TSHZ3: variants seen among roughly 807,000 people sequenced by gnomAD.
TSHZ3 encodes teashirt homolog 3.
A neutral mutation model predicts 64.5 loss-of-function variants in TSHZ3; 10 were observed. That is an observed-to-expected ratio of 0.16 (90% confidence interval 0.10 to 0.26). The LOEUF (loss-of-function observed/expected upper bound fraction) is 0.26. Ranked by LOEUF, TSHZ3 falls within the 10% of genes least tolerant of loss-of-function variation. The pLI is 1.00. For missense variants in TSHZ3, 1,242 were observed against 1,421.7 expected (o/e 0.87, Z 2.03); for synonymous variants, 608 against 593.1 (o/e 1.03, Z -0.36).
At chr19:31,280,426 C>G (rs1333743084) in intron 1 of TSHZ3, among the ~76,000 whole-genome samples, 1 of 151,352 alleles carries the variant, frequency 6.6e-6, no homozygotes, top group Admixed American at 6.6e-5. Context: ...TGGGTTCGTT[C>G]CAGTTGAGAG....
upstream of TSHZ3, chr19:31,349,502 AGGT>A (rs1283877321): frequency 7.9e-5 from 25 of 315,746 alleles, 4 homozygotes; most frequent in Admixed American, 4.7e-4. Flanking sequence ...GAGGAGGAGG[AGGT>A]GGAGGAGGAG....
chr19:31,314,599 C>T (rs1249032479), intron 1 of TSHZ3, among the ~76,000 whole-genome samples: 3 of 152,284 alleles, frequency 2.0e-5, no homozygotes, highest in Admixed American at 6.5e-5. Context: ...TGAATTGTTC[C>T]GAGTGCCAGA....
At chr19:31,242,262 G>T (rs1029935872) in intron 3 of TSHZ3, among the ~76,000 whole-genome samples, 1 of 152,142 alleles carries the variant, frequency 6.6e-6, no homozygotes, top group Non-Finnish European at 1.5e-5. Flanking sequence ...TAAGGGAATT[G>T]GCTCACATGA....
intron 5 of TSHZ3, among the ~76,000 whole-genome samples, chr19:31,174,046 A>G (rs929593628): frequency 1.3e-5 from 2 of 152,152 alleles, no homozygotes; most frequent in African/African-American, 4.8e-5. Flanking sequence ...CCAGCCTGGG[A>G]GACAGAGCGA....
chr19:31,333,117 TAAATAA>T (rs1917141637), intron 1 of TSHZ3, among the ~76,000 whole-genome samples: 1 of 144,152 alleles, frequency 6.9e-6, no homozygotes, highest in South Asian at 2.2e-4. Context: ...AATAAATAAA[TAAATAA>T]ATAAATAAAT....
At chr19:31,159,928 G>A (rs1974352758) in intron 5 of TSHZ3, among the ~76,000 whole-genome samples, 1 of 152,090 alleles carries the variant, frequency 6.6e-6, no homozygotes, top group Admixed American at 6.6e-5. Flanking sequence ...CTGACCTCAA[G>A]CAATCCTTCT....
At chr19:31,240,197 T>C (rs1423256922) in intron 3 of TSHZ3, among the ~76,000 whole-genome samples, 1 of 152,142 alleles carries the variant, frequency 6.6e-6, no homozygotes, top group Admixed American at 6.6e-5. Flanking sequence ...GTTCTCATAT[T>C]TTTTGGTCCC....
At chr19:31,297,447 T>A (rs1731584787) in intron 1 of TSHZ3, among the ~76,000 whole-genome samples, 1 of 152,094 alleles carries the variant, frequency 6.6e-6, no homozygotes, top group African/African-American at 2.4e-5. Context: ...TCCTAAGAAC[T>A]GCAGAAAGTT....
chr19:31,200,876 G>T (rs1036670948), intron 5 of TSHZ3, among the ~76,000 whole-genome samples: 1 of 151,810 alleles, frequency 6.6e-6, no homozygotes, highest in African/African-American at 2.4e-5. Context: ...AATTGTCTGT[G>T]AATCCAAAAC....
chr19:31,292,752 A>T (rs1296005273), intron 1 of TSHZ3, among the ~76,000 whole-genome samples: 1 of 151,266 alleles, frequency 6.6e-6, no homozygotes, highest in Admixed American at 6.6e-5. Flanking sequence ...CCATCCATCC[A>T]TCCATCCATC....
chr19:31,348,920 A>C, intron 1 of TSHZ3: 1 of 446,606 alleles, frequency 2.2e-6, no homozygotes. Context: ...CTGAGGAGGT[A>C]GGGACCTGGC....
intron 5 of TSHZ3, among the ~76,000 whole-genome samples, chr19:31,185,705 A>G (rs1483714558): frequency 6.6e-6 from 1 of 152,232 alleles, no homozygotes; most frequent in Non-Finnish European, 1.5e-5. Flanking sequence ...CAAAAGACAC[A>G]TAAGTGTAGA....
Position 31,277,868 on chromosome 19 carries a change from G to C in TSHZ3, c.1925C>G (p.Thr642Ser). The change falls in exon 2 of 2, where the codon ACT (threonine) becomes AGT (serine). Residue 642 changes from threonine (T) to serine (S), a missense_variant. By Grantham distance (58) the Thr-to-Ser change is moderately conservative. Around this residue, in one of 4 missense-constraint regions of TSHZ3, gnomAD observed 550 missense variants for 545.1 expected, o/e 1.01. Coordinates refer to ENST00000240587, the MANE Select transcript of TSHZ3 (RefSeq NM_020856.4). The surrounding 1 kb of genome is among the most constrained non-coding windows in gnomAD (Gnocchi z 4.5). ...GACTTCGCTGCTACATGGGGAGGGAGTGGCCCGCTTGGGCGGGGAAAGCTT... is the reference window on the plus strand; with the variant it reads ...GACTTCGCTGCTACATGGGGAGGGACTGGCCCGCTTGGGCGGGGAAAGCTT... Reference protein sequence around the residue: ...DGKLSPPKRATPSPCSSEVGE... With the variant: ...DGKLSPPKRASPSPCSSEVGE... 1.2e-6 allele frequency: 2 copies of C among 1,606,320 alleles called. No homozygotes were observed. The highest frequency in any genetic ancestry group is 1.7e-6 in the Non-Finnish European group (2 of 1,176,602).
At chr19:31,288,895 A>T (rs1976512685) in intron 1 of TSHZ3, among the ~76,000 whole-genome samples, 1 of 152,158 alleles carries the variant, frequency 6.6e-6, no homozygotes, top group African/African-American at 2.4e-5. Context: ...GATGTTAGGC[A>T]GGGAGGCCCT....
chr19:31,339,549 T>C (rs1320504502), intron 1 of TSHZ3, among the ~76,000 whole-genome samples: 2 of 152,106 alleles, frequency 1.3e-5, no homozygotes. Flanking sequence ...CTCCCCGTAG[T>C]CTGGCTGGGG....
At chr19:31,242,165 C>G (rs1356356919) in intron 3 of TSHZ3, among the ~76,000 whole-genome samples, 4 of 152,186 alleles carry the variant, frequency 2.6e-5, no homozygotes, top group African/African-American at 9.7e-5. Flanking sequence ...TTTGTCCCTT[C>G]CAGAAGACAG....
At chr19:31,301,099 T>G (rs1403817933) in intron 1 of TSHZ3, among the ~76,000 whole-genome samples, 2 of 152,100 alleles carry the variant, frequency 1.3e-5, no homozygotes, top group African/African-American at 4.8e-5. Flanking sequence ...AAAAATCGTT[T>G]TTTCCCCCCT....
At chr19:31,298,031 G>A (rs528815216) in intron 1 of TSHZ3, among the ~76,000 whole-genome samples, 1 of 152,312 alleles carries the variant, frequency 6.6e-6, no homozygotes, top group Non-Finnish European at 1.5e-5. Context: ...CAGGGATAGA[G>A]CTGTATGGAG....
rs190205291 is a variant in TSHZ3 at position 31,160,568 on chromosome 19, T to C, written n.810-4151A>G. ...CCCACCAGACAGACAGCAGCAGGAG[T>C]CCAGCAGCTGCAGGGAAAGGCCTCA... On this transcript the variant is annotated intron_variant and non_coding_transcript_variant, in intron 5 of 6. Transcript: ENST00000651361. 5.9e-5 allele frequency among the ~76,000 whole-genome samples: 9 copies of C among 152,030 alleles called. 1 individual carries two copies. The highest frequency in any genetic ancestry group is 2.2e-4 in the African/African-American group (9 of 41,468).
Sources: allele counts gnomAD v4.1 joint callset (sites outside exome capture counted in the v4.1 genomes callset), GRCh38; gene constraint gnomAD v4.1.1; regional missense constraint gnomAD v4.1.1; non-coding constraint Gnocchi (gnomAD v3.1); transcripts MANE v1.5; gene names NCBI Gene and HGNC (gene_info 2026-07-23, HGNC 2026-07-21).